SH3PXD2A: variants seen among roughly 807,000 people sequenced by gnomAD.
The protein encoded by SH3PXD2A is SH3 and PX domains 2A.
Under a neutral mutation model 115.2 loss-of-function variants are expected in SH3PXD2A, and 32 were observed. The observed-to-expected ratio is 0.28, with a 90% CI of 0.21 to 0.37. SH3PXD2A has a LOEUF of 0.37. SH3PXD2A is among the 10% of genes least tolerant of loss of function. SH3PXD2A has a pLI of 1.00. For missense variants in SH3PXD2A, 1,328 were observed against 1,498.7 expected (o/e 0.89, Z 1.88); for synonymous variants, 610 against 629.1 (o/e 0.97, Z 0.45).
chr10:103,652,318 C>T (rs1293750938), intron 8 of SH3PXD2A, among the ~76,000 whole-genome samples: 1 of 152,222 alleles, frequency 6.6e-6, no homozygotes, highest in African/African-American at 2.4e-5. Flanking sequence ...GGGAGTCCTG[C>T]TGAGCCCTGG....
intron 7 of SH3PXD2A, among the ~76,000 whole-genome samples, chr10:103,667,738 C>T (rs1273679250): frequency 6.6e-6 from 1 of 152,232 alleles, no homozygotes; most frequent in Admixed American, 6.5e-5. Context: ...CAGCCTGAAC[C>T]TCTGCTCTCA....
At chr10:103,618,899 C>G (rs1012175920) in intron 10 of SH3PXD2A, among the ~76,000 whole-genome samples, 3 of 152,210 alleles carry the variant, frequency 2.0e-5, no homozygotes, top group Admixed American at 2.0e-4. Flanking sequence ...TGTCCACTCT[C>G]CCCTGGATTA....
At chr10:103,844,353 GCCT>G (rs1171631557) in intron 1 of SH3PXD2A, among the ~76,000 whole-genome samples, 1 of 152,210 alleles carries the variant, frequency 6.6e-6, no homozygotes, top group Non-Finnish European at 1.5e-5. Flanking sequence ...GGCCGGCCAG[GCCT>G]CCTCCTCTGT....
At chr10:103,825,189 G>A (rs1275401988) in intron 1 of SH3PXD2A, among the ~76,000 whole-genome samples, 1 of 152,146 alleles carries the variant, frequency 6.6e-6, no homozygotes, top group East Asian at 1.9e-4. Context: ...TTATACTGCT[G>A]GCTTCTGCTG....
In SH3PXD2A at chr10:103,755,898, G is replaced by C. The variant is rs113766924; in HGVS notation, c.229+11196C>G. Among the ~76,000 whole-genome samples the C allele has an allele frequency of 0.027, 4,099 of 152,288 alleles. 285 individuals carry two copies. The East Asian group carries it at 0.29, about 11-fold the overall frequency. ...TTTCCTTCACACGAGCTTCGATCTTGACAGTTGAAGCCTGCAGGGGTGTCG... is the reference window on the plus strand; with the variant it reads ...TTTCCTTCACACGAGCTTCGATCTTCACAGTTGAAGCCTGCAGGGGTGTCG... On this transcript the variant is annotated intron_variant, in intron 3 of 14. Coordinates refer to ENST00000369774, the MANE Select transcript of SH3PXD2A (RefSeq NM_001394015.1).
chr10:103,609,361 G>C (rs1481331527), intron 13 of SH3PXD2A: 4 of 152,398 alleles, frequency 2.6e-5, no homozygotes, highest in African/African-American at 9.6e-5. Context: ...AGGCAGTGCG[G>C]TTGAGTGAGC....
At chr10:103,618,418 G>A (rs746026048) in intron 10 of SH3PXD2A, among the ~76,000 whole-genome samples, 9 of 152,226 alleles carry the variant, frequency 5.9e-5, no homozygotes, top group African/African-American at 9.7e-5. Flanking sequence ...CTAGCTGGCT[G>A]GCTAAAGAGT....
chr10:103,603,887 A>G, intron 14 of SH3PXD2A, 98 bp from the exon 15 acceptor site: 2 of 1,326,682 alleles, frequency 1.5e-6, no homozygotes, highest in Non-Finnish European at 2.0e-6. Flanking sequence ...GGGATAAATT[A>G]TCTCCATTTT....
chr10:103,672,966 C>T (rs547360811), intron 6 of SH3PXD2A, among the ~76,000 whole-genome samples: 4 of 152,182 alleles, frequency 2.6e-5, no homozygotes, highest in African/African-American at 7.2e-5. Context: ...CTGGAGATTC[C>T]GGCCAAATAC....
At position 103,840,101 on chromosome 10, in the gene SH3PXD2A, T is replaced by G. The variant is rs181003381; in HGVS notation, c.72+15094A>C. Among the ~76,000 whole-genome samples the G allele has an allele frequency of 2.4e-3, 363 of 152,364 alleles. 1 individual carries two copies. The highest frequency in any genetic ancestry group is 8.4e-3 in the African/African-American group (348 of 41,592). The stretch of plus-strand genomic sequence containing the variant: ...CAGAAATGATGGCGCCAACAACAGC[T>G]GCTGTTTATTTTGGGGCCAGGGAAG... On this transcript the variant is annotated intron_variant, in intron 1 of 14. Coordinates refer to ENST00000369774, the MANE Select transcript of SH3PXD2A (RefSeq NM_001394015.1).
chr10:103,809,913 T>C (rs1396694930), intron 1 of SH3PXD2A, among the ~76,000 whole-genome samples: 2 of 151,774 alleles, frequency 1.3e-5, no homozygotes, highest in Non-Finnish European at 2.9e-5. Context: ...GGTCTTGAAC[T>C]CCTGATCTCA....
intron 3 of SH3PXD2A, chr10:103,736,915 G>T: frequency 1.8e-6 from 1 of 550,250 alleles, no homozygotes; most frequent in Non-Finnish European, 3.2e-6. Flanking sequence ...ACAGGATGCA[G>T]CCTAGTCAGC....
chr10:103,774,810 C>T (rs1478153917), intron 2 of SH3PXD2A, among the ~76,000 whole-genome samples: 1 of 152,200 alleles, frequency 6.6e-6, no homozygotes, highest in Non-Finnish European at 1.5e-5. Flanking sequence ...CAAATTCTGT[C>T]TCCTCTGTGG....
chr10:103,611,377 T>G (rs1466719758), intron 13 of SH3PXD2A, among the ~76,000 whole-genome samples: 1 of 152,190 alleles, frequency 6.6e-6, no homozygotes, highest in Non-Finnish European at 1.5e-5. Context: ...TTTCCGATTA[T>G]AAACTGTCCA....
intron 1 of SH3PXD2A, among the ~76,000 whole-genome samples, chr10:103,830,317 CTA>C (rs1318023952): frequency 6.6e-6 from 1 of 152,196 alleles, no homozygotes; most frequent in African/African-American, 2.4e-5. Context: ...TTAAAACTCA[CTA>C]TGTCTTCCAA....
chr10:103,797,357 A>T (rs1391889898), intron 2 of SH3PXD2A, among the ~76,000 whole-genome samples: 1 of 152,178 alleles, frequency 6.6e-6, no homozygotes, highest in African/African-American at 2.4e-5. Flanking sequence ...CTAAGGCTTC[A>T]GAAAGCGTGG....
At chr10:103,612,809 A>G in intron 12 of SH3PXD2A, 44 bp downstream of exon 12, 3 of 1,374,184 alleles carry the variant, frequency 2.2e-6, no homozygotes, top group Non-Finnish European at 3.0e-6. Flanking sequence ...CCCATTCTCT[A>G]AGGAGCTTTG....
At chr10:103,621,549 G>A (rs570989472) in intron 10 of SH3PXD2A, among the ~76,000 whole-genome samples, 2 of 152,192 alleles carry the variant, frequency 1.3e-5, no homozygotes, top group Non-Finnish European at 2.9e-5. Context: ...GAGGGTGGGG[G>A]TCACTGGGTG....
chr10:103,791,145 C>T (rs1246567226), intron 2 of SH3PXD2A, among the ~76,000 whole-genome samples: 1 of 152,224 alleles, frequency 6.6e-6, no homozygotes. Context: ...CAGCTTCTTA[C>T]AATTTTCCCC....
Sources: gnomAD v4.1 joint callset for allele counts (sites outside exome capture counted in the v4.1 genomes callset) on GRCh38, gnomAD v4.1.1 for gene constraint, MANE v1.5 for transcripts, NCBI Gene and HGNC (gene_info 2026-07-23, HGNC 2026-07-21) for gene names.